RALGAPA1: variants seen among roughly 807,000 people sequenced by gnomAD.
The protein encoded by RALGAPA1 is Ral GTPase activating protein catalytic subunit alpha 1.
RALGAPA1 carries 52 observed loss-of-function variants against 269.6 expected under a neutral mutation model. The ratio of observed to expected loss-of-function variants is 0.19; its 90% CI spans 0.15 to 0.24. RALGAPA1 has a LOEUF of 0.24. RALGAPA1 is among the 10% of genes least tolerant of loss of function. The pLI, the probability that RALGAPA1 is intolerant of heterozygous loss-of-function variation, is 1.00. For synonymous variants in RALGAPA1, 817 were observed against 1,008.3 expected (o/e 0.81, Z 3.60); for missense variants, 1,917 against 3,013.9 (o/e 0.64, Z 8.52).
At chr14:35,756,054 C>T (rs17836222) in intron 7 of RALGAPA1, among the ~76,000 whole-genome samples, 1 of 152,070 alleles carries the variant, frequency 6.6e-6, no homozygotes, top group Non-Finnish European at 1.5e-5. Flanking sequence ...TGCAGCCTAC[C>T]TCCCTAGTTG....
chr14:35,625,215 T>A, intron 35 of RALGAPA1, 146 bp downstream of exon 35: 19 of 334,922 alleles, frequency 5.7e-5, no homozygotes, highest in East Asian at 1.4e-4. Context: ...TATGCAGTCC[T>A]AAATTTTCCT....
At chr14:35,757,250 T>C (rs2073264612) in intron 6 of RALGAPA1, among the ~76,000 whole-genome samples, 1 of 151,968 alleles carries the variant, frequency 6.6e-6, no homozygotes, top group Non-Finnish European at 1.5e-5. Flanking sequence ...GCTTCCCAAG[T>C]AGCTGGGATT....
intron 36 of RALGAPA1, among the ~76,000 whole-genome samples, chr14:35,603,279 G>T (rs2139157123): frequency 6.6e-6 from 1 of 151,970 alleles, no homozygotes; most frequent in South Asian, 2.1e-4. Context: ...TACTTTTATG[G>T]TATTTTACTT....
intron 35 of RALGAPA1, among the ~76,000 whole-genome samples, chr14:35,621,610 C>A (rs929830478): frequency 1.3e-5 from 2 of 152,200 alleles, no homozygotes; most frequent in African/African-American, 4.8e-5. Flanking sequence ...TTGCAATCTA[C>A]CCTTCTGACA....
intron 31 of RALGAPA1, among the ~76,000 whole-genome samples, chr14:35,639,007 G>A (rs2061838076): frequency 6.6e-6 from 1 of 151,766 alleles, no homozygotes; most frequent in African/African-American, 2.4e-5. Flanking sequence ...AAGAGAGAGT[G>A]GCTGAACAGA....
Position 35,754,682 on chromosome 14 carries a change from C to A in RALGAPA1, c.663+2111G>T, listed in dbSNP as rs572569043. The stretch of plus-strand genomic sequence containing the variant: ...TAGTTTCTTAAATAGTCAATATATA[C>A]CCCTACTATTTGACCCAGCCATTCT... On this transcript the variant is annotated intron_variant, in intron 7 of 41. Coordinates refer to ENST00000680220, the MANE Select transcript of RALGAPA1 (RefSeq NM_001346249.2). 7.7e-4 allele frequency among the ~76,000 whole-genome samples: 117 copies of A among 152,276 alleles called. 1 individual carries two copies. Among genetic ancestry groups the A allele is most frequent in the African/African-American group, 2.7e-3 (113 of 41,572 alleles).
intron 3 of RALGAPA1, among the ~76,000 whole-genome samples, chr14:35,773,362 C>T (rs891238033): frequency 2.8e-4 from 43 of 151,928 alleles, no homozygotes; most frequent in African/African-American, 9.9e-4. Context: ...AACGTCAGCA[C>T]AAAAATCAAA....
At chr14:35,647,047 G>A (rs1026533865) in intron 31 of RALGAPA1, among the ~76,000 whole-genome samples, 1 of 152,108 alleles carries the variant, frequency 6.6e-6, no homozygotes, top group African/African-American at 2.4e-5. Flanking sequence ...GTCAATCACA[G>A]ATTCCAGTCT....
intron 4 of RALGAPA1, among the ~76,000 whole-genome samples, chr14:35,769,003 C>T (rs866860615): frequency 2.8e-3 from 151 of 54,362 alleles, no homozygotes; most frequent in Middle Eastern, 0.018. Flanking sequence ...GGCGAAACTC[C>T]GTCTCAAAAA....
chr14:35,683,047 A>G (rs2140367495), intron 21 of RALGAPA1, among the ~76,000 whole-genome samples: 1 of 152,376 alleles, frequency 6.6e-6, no homozygotes, highest in Middle Eastern at 3.4e-3. Context: ...GCCAACCACA[A>G]GATGCAAAAT....
intron 36 of RALGAPA1, among the ~76,000 whole-genome samples, chr14:35,598,853 T>A (rs1302144991): frequency 6.6e-6 from 1 of 152,222 alleles, no homozygotes; most frequent in East Asian, 1.9e-4. Flanking sequence ...TATTGACAGG[T>A]TAGGGCTTAA....
At chr14:35,652,545 C>G (rs865847190) in intron 30 of RALGAPA1, among the ~76,000 whole-genome samples, 1 of 152,060 alleles carries the variant, frequency 6.6e-6, no homozygotes, top group African/African-American at 2.4e-5. Context: ...GCTGGGATTA[C>G]AGGTGTGGGC....
chr14:35,594,176 G>A (rs1245529386), intron 37 of RALGAPA1, among the ~76,000 whole-genome samples: 2 of 152,016 alleles, frequency 1.3e-5, no homozygotes, highest in Non-Finnish European at 2.9e-5. Flanking sequence ...ACCTAGAAGA[G>A]GACATAGAAG....
intron 36 of RALGAPA1, among the ~76,000 whole-genome samples, chr14:35,598,173 T>C (rs1022526628): frequency 6.6e-6 from 1 of 152,154 alleles, no homozygotes; most frequent in African/African-American, 2.4e-5. Context: ...TCAGCTTTAG[T>C]GTCACATATT....
intron 22 of RALGAPA1, chr14:35,676,547 G>A (rs1426858126): frequency 6.6e-6 from 1 of 152,160 alleles, no homozygotes; most frequent in African/African-American, 2.4e-5. Context: ...GACGGTGTGG[G>A]GTAGCTATAA....
chr14:35,593,425 T>C (rs2058749591), intron 37 of RALGAPA1, among the ~76,000 whole-genome samples: 1 of 152,088 alleles, frequency 6.6e-6, no homozygotes, highest in Non-Finnish European at 1.5e-5. Flanking sequence ...ATAAATTTAA[T>C]GGAATCCCCA....
At chr14:35,739,646 A>G (rs1457007301) in intron 11 of RALGAPA1, among the ~76,000 whole-genome samples, 1 of 152,206 alleles carries the variant, frequency 6.6e-6, no homozygotes, top group African/African-American at 2.4e-5. Context: ...CTGGTTGCAA[A>G]AGAAAGAAAC....
intron 16 of RALGAPA1, among the ~76,000 whole-genome samples, chr14:35,711,974 C>T (rs1315443615): frequency 2.6e-5 from 4 of 152,154 alleles, no homozygotes; most frequent in Admixed American, 1.3e-4. Context: ...AGGCTGGGCG[C>T]GGTGGCTCAC....
rs2068146813 is a variant in RALGAPA1, at chr14:35,709,877, T to C, written c.2267-9575A>G. Among the ~76,000 whole-genome samples the C allele has an allele frequency of 2.6e-5, 4 of 152,222 alleles. No individual in the cohort carries two copies. The South Asian group carries it at 8.3e-4, about 31-fold the overall frequency. ...TTTTTTCCATCGATTTATAGTTAAA[T>C]CCATTGCAGTCAGAGGGTATATTAT... On this transcript the variant is annotated intron_variant, in intron 16 of 41. Coordinates refer to ENST00000680220, the MANE Select transcript of RALGAPA1 (RefSeq NM_001346249.2).
Sources: gnomAD v4.1 joint callset for allele counts (sites outside exome capture counted in the v4.1 genomes callset) on GRCh38, gnomAD v4.1.1 for gene constraint, MANE v1.5 for transcripts, NCBI Gene and HGNC (gene_info 2026-07-23, HGNC 2026-07-21) for gene names.